Variants in ASB4 observed in about 807,000 individuals in gnomAD.
ASB4 encodes ankyrin repeat and SOCS box containing 4.
ASB4 carries 35 observed loss-of-function variants against 38.6 expected under a neutral mutation model. That is an observed-to-expected ratio of 0.91 (90% confidence interval 0.69 to 1.20). The LOEUF (loss-of-function observed/expected upper bound fraction) is 1.20, where lower values mean the gene tolerates loss of function less well. Among genes scored for constraint, ASB4 ranks in the 50% most tolerant of loss-of-function variants. ASB4 has a pLI of 0.00. For synonymous variants in ASB4, 195 were observed against 201.3 expected, an observed-to-expected ratio of 0.97 and a Z score of 0.26; for missense variants, 557 against 527.2, an observed-to-expected ratio of 1.06 and a Z score of -0.55.
the ASB4 span, among the ~76,000 whole-genome samples, chr7:95,547,578 TA>T: frequency 6.6e-6 from 1 of 152,196 alleles, no homozygotes; most frequent in Middle Eastern, 3.2e-3. Context: ...CAGCTTAGGG[TA>T]ATAATAGATG....
upstream of ASB4, among the ~76,000 whole-genome samples, chr7:95,475,043 G>A (rs1422248147): frequency 2.0e-5 from 3 of 152,142 alleles, no homozygotes; most frequent in Non-Finnish European, 2.9e-5. Context: ...AGAGCCTATA[G>A]ACAAGCTGTT....
At chr7:95,481,517 G>T (rs1790021443), upstream of ASB4, among the ~76,000 whole-genome samples, 1 of 152,132 alleles carries the variant, frequency 6.6e-6, no homozygotes, top group African/African-American at 2.4e-5. Context: ...GAGGCCCAAG[G>T]GGTTCTGTTG....
chr7:95,527,191 G>A (rs1790748824), intron 2 of ASB4, among the ~76,000 whole-genome samples: 1 of 152,064 alleles, frequency 6.6e-6, no homozygotes, highest in Admixed American at 6.6e-5. Context: ...GTGTGCATGT[G>A]TATGTGTGTG....
chr7:95,545,832 T>C, the ASB4 span, among the ~76,000 whole-genome samples: 1 of 152,230 alleles, frequency 6.6e-6, no homozygotes, highest in Non-Finnish European at 1.5e-5. Flanking sequence ...GAGATATGCA[T>C]GTTTCTGCCC....
chr7:95,490,953 C>T lies in ASB4; in HGVS notation c.187+4795C>T, dbSNP rs541389129. On this transcript the variant is annotated intron_variant, in intron 1 of 4. Coordinates refer to ENST00000325885, the MANE Select transcript of ASB4 (RefSeq NM_016116.3). ...CATGTAGCCTTCGGATCATAGACGG[C>T]TATTTAAAGATTTGGGGGCAATGGA... Among the ~76,000 whole-genome samples, 19 of 152,294 alleles carry T rather than the reference C, an allele frequency of 1.2e-4. No individual in the cohort carries two copies. The South Asian group carries it at 2.9e-3, about 23-fold the overall frequency.
intron 2 of ASB4, among the ~76,000 whole-genome samples, chr7:95,508,244 C>G (rs1790436513): frequency 1.3e-5 from 2 of 152,004 alleles, no homozygotes; most frequent in Admixed American, 1.3e-4. Flanking sequence ...GAGAGGAGAA[C>G]CTCTGTTCTA....
In ASB4 at chr7:95,540,179, T is replaced by C. The variant is rs1790951315; in HGVS notation, c.*2420T>C. The C allele has an allele frequency of 6.6e-6, 1 of 152,212 alleles. No individual in the cohort carries two copies. Among genetic ancestry groups the C allele is most frequent in the Non-Finnish European group, 1.5e-5 (1 of 68,042 alleles). The allele number at this position is 152,212 out of a possible 1,614,324, so 9.4% of individuals were successfully genotyped here. On this transcript the variant is annotated 3_prime_UTR_variant, in exon 5 of 5. Coordinates refer to ENST00000325885, the MANE Select transcript of ASB4 (RefSeq NM_016116.3). ...TTGGTGGAATTAAAGTAATTTTTCC[T>C]TATCTTTGAACTTTTATTTAGAGAA... is the stretch of plus-strand genomic sequence containing the variant.
intron 2 of ASB4, among the ~76,000 whole-genome samples, chr7:95,509,361 C>T (rs1790451200): frequency 6.6e-6 from 1 of 152,036 alleles, no homozygotes; most frequent in East Asian, 1.9e-4. Context: ...ATCCCACATC[C>T]GTTGTTTGAG....
intron 2 of ASB4, among the ~76,000 whole-genome samples, chr7:95,505,730 G>A (rs1790399549): frequency 7.2e-6 from 1 of 139,066 alleles, no homozygotes; most frequent in Middle Eastern, 4.5e-3. Flanking sequence ...CCCTTATGAT[G>A]TTATATTATA....
At position 95,496,067 on chromosome 7, in the gene ASB4, T is replaced by C; in HGVS notation, c.487+10T>C. 1 of 1,605,474 alleles carries C rather than the reference T, an allele frequency of 6.2e-7. No individual in the cohort carries two copies. The highest frequency in any genetic ancestry group is 8.5e-7 in the Non-Finnish European group (1 of 1,173,974). On this transcript the variant is annotated intron_variant, in intron 2 of 4. Transcript: ENST00000325885. ...CAATTGGTTTGGAGAGGTAAGCCTTTCTGGGTGGCCAACATTGTTGTCTGC... is the reference window on the plus strand; with the variant it reads ...CAATTGGTTTGGAGAGGTAAGCCTTCCTGGGTGGCCAACATTGTTGTCTGC...
chr7:95,485,990 CCT>C lies in ASB4; in HGVS notation c.20_21del (p.Pro7ArgfsTer3). 1 of 1,613,856 alleles carries C rather than the reference CCT, an allele frequency of 6.2e-7. No homozygotes were observed. The highest frequency in any genetic ancestry group is 1.1e-5 in the South Asian group (1 of 91,052). MDGTTA[P>X]VTKSGAAKLV... Reference sequence around the variant, plus strand: ...AGGAAGGATGGACGGCACCACTGCCCCTGTCACTAAATCTGGAGCTGCCAAGT... The same window carrying C: ...AGGAAGGATGGACGGCACCACTGCCCGTCACTAAATCTGGAGCTGCCAAGT... On this transcript the variant is annotated frameshift_variant, in exon 1 of 5. Coordinates refer to ENST00000325885, the MANE Select transcript of ASB4 (RefSeq NM_016116.3). LOFTEE classifies it high-confidence loss of function.
intron 2 of ASB4, among the ~76,000 whole-genome samples, chr7:95,500,414 A>G (rs745944956): frequency 6.6e-6 from 1 of 151,824 alleles, no homozygotes; most frequent in Non-Finnish European, 1.5e-5. Context: ...TAAAGGAAAA[A>G]TAAATTAACC....
At chr7:95,501,517 C>T (rs537835880) in intron 2 of ASB4, among the ~76,000 whole-genome samples, 3 of 152,324 alleles carry the variant, frequency 2.0e-5, no homozygotes, top group East Asian at 3.9e-4. Flanking sequence ...AATAAGAACA[C>T]TTAAGATCTA....
rs142415919 is a variant in ASB4, at chr7:95,480,146, C to G, written n.157+1546C>G. On this transcript the variant is annotated intron_variant and non_coding_transcript_variant, in intron 1 of 1. Coordinates refer to the ASB4 transcript ENST00000257621. ...CCACAGGAGCACACCTTGTTCTGAT[C>G]TATACAAGGGTGGCTTATGGTGTGG... Among the ~76,000 whole-genome samples the G allele has an allele frequency of 2.6e-5, 4 of 152,294 alleles. No homozygotes were observed. In the East Asian group the frequency reaches 7.7e-4, roughly 29 times the overall value.
At chr7:95,471,693 A>G in the ASB4 span, 2 of 151,832 alleles carry the variant, frequency 1.3e-5, no homozygotes, top group African/African-American at 4.8e-5. Flanking sequence ...CCCTTACATG[A>G]ACATTAGGAC....
At chr7:95,522,517 A>G (rs2116636248) in intron 2 of ASB4, among the ~76,000 whole-genome samples, 1 of 152,288 alleles carries the variant, frequency 6.6e-6, no homozygotes, top group East Asian at 1.9e-4. Context: ...ATTTGCCTCT[A>G]CATGTTAGGC....
intron 2 of ASB4, among the ~76,000 whole-genome samples, chr7:95,510,207 G>T (rs187879335): frequency 2.0e-5 from 3 of 151,952 alleles, no homozygotes; most frequent in Non-Finnish European, 4.4e-5. Context: ...TGTTTCTTCC[G>T]AAATGAGTCC....
In ASB4 at chr7:95,515,309, CTTT is replaced by C. The variant is rs1562817325; in HGVS notation, c.488-12503_488-12501del. On this transcript the variant is annotated intron_variant, in intron 2 of 4. Transcript: ENST00000325885. Reference sequence around the variant, plus strand: ...TCTTTCTTTCTTTCTTTCTTTCTTTCTTTCTTTCTTCCTTCCTTCCTTCCTTTC... The same window carrying C: ...TCTTTCTTTCTTTCTTTCTTTCTTTCCTTTCTTCCTTCCTTCCTTCCTTTC... Among the ~76,000 whole-genome samples the C allele has an allele frequency of 7.9e-3, 914 of 116,308 alleles. 17 individuals carry two copies. The highest frequency in any genetic ancestry group is 0.016 in the Middle Eastern group (4 of 246). 76.3% of individuals were successfully genotyped at this position (116,308 alleles called of 152,430 possible). A position where few individuals can be genotyped will look rare whatever the true frequency, so the allele number is the denominator to read the frequency against.
intron 2 of ASB4, among the ~76,000 whole-genome samples, chr7:95,515,322 TTC>T: frequency 2.9e-5 from 4 of 139,274 alleles, no homozygotes; most frequent in African/African-American, 8.1e-5. Context: ...TCTTTCTTCC[TTC>T]CTTCCTTCCT....
Sources: allele counts gnomAD v4.1 joint callset (sites outside exome capture counted in the v4.1 genomes callset), GRCh38; gene constraint gnomAD v4.1.1; transcripts MANE v1.5; gene names NCBI Gene and HGNC (gene_info 2026-07-23, HGNC 2026-07-21).